SGCZ: variants seen among roughly 807,000 people sequenced by gnomAD.
SGCZ encodes zeta-sarcoglycan.
SGCZ carries 40 observed loss-of-function variants against 41.3 expected under a neutral mutation model. The ratio of observed to expected loss-of-function variants is 0.97; its 90% CI spans 0.75 to 1.26. The LOEUF is 1.26. Among genes scored for constraint, SGCZ ranks in the 50% most tolerant of loss-of-function variants. The pLI, the probability that SGCZ is intolerant of heterozygous loss-of-function variation, is 0.00. For synonymous variants in SGCZ, 206 were observed against 137.5 expected (o/e 1.50, Z -3.49); for missense variants, 552 against 369.8 (o/e 1.49, Z -4.04).
At chr8:14,446,181 C>T (rs1800427973) in intron 2 of SGCZ, among the ~76,000 whole-genome samples, 1 of 152,152 alleles carries the variant, frequency 6.6e-6, no homozygotes, top group African/African-American at 2.4e-5. Context: ...GAATCTTCAG[C>T]AAGCCCAGCT....
At chr8:14,293,520 G>A (rs1051817953) in intron 3 of SGCZ, among the ~76,000 whole-genome samples, 3 of 151,832 alleles carry the variant, frequency 2.0e-5, no homozygotes, top group Non-Finnish European at 2.9e-5. Flanking sequence ...TTTTAACTCC[G>A]AATGAAATTT....
At chr8:14,398,896 TG>T (rs756916630) in intron 2 of SGCZ, among the ~76,000 whole-genome samples, 19 of 152,148 alleles carry the variant, frequency 1.2e-4, no homozygotes, top group Non-Finnish European at 2.6e-4. Context: ...AGTGTTTCTT[TG>T]GGCCTGATAA....
chr8:14,496,133 A>T (rs1219266731), intron 2 of SGCZ, among the ~76,000 whole-genome samples: 1 of 98,312 alleles, frequency 1.0e-5, no homozygotes, highest in Non-Finnish European at 2.3e-5. Context: ...TGGCGTGATC[A>T]TGGCTCACTG....
chr8:14,881,092 A>G (rs1274934230), intron 1 of SGCZ, among the ~76,000 whole-genome samples: 1 of 152,110 alleles, frequency 6.6e-6, no homozygotes, highest in Non-Finnish European at 1.5e-5. Context: ...CATTTCCCTC[A>G]TTATATCTAA....
At chr8:14,828,921 T>C (rs899471277) in intron 1 of SGCZ, among the ~76,000 whole-genome samples, 24 of 152,004 alleles carry the variant, frequency 1.6e-4, no homozygotes, top group African/African-American at 1.2e-4. Context: ...TAGACATCCA[T>C]CTTAACAGTC....
intron 2 of SGCZ, among the ~76,000 whole-genome samples, chr8:14,530,933 A>G (rs1225586679): frequency 6.6e-6 from 1 of 152,092 alleles, no homozygotes; most frequent in African/African-American, 2.4e-5. Context: ...TACTACAGGT[A>G]CACAAATGAT....
intron 2 of SGCZ, among the ~76,000 whole-genome samples, chr8:14,467,036 C>T (rs555148622): frequency 3.0e-3 from 448 of 151,692 alleles, no homozygotes; most frequent in Non-Finnish European, 4.5e-3. Flanking sequence ...CTCACTTCCT[C>T]GGGTTTTACT....
At chr8:14,112,716 G>A (rs77828334) in intron 5 of SGCZ, among the ~76,000 whole-genome samples, 3,238 of 151,802 alleles carry the variant, frequency 0.021, 146 homozygotes, top group African/African-American at 0.075. Context: ...GTTTTTATTT[G>A]TAAAATTAAA....
chr8:14,458,336 T>A (rs1452391163), intron 2 of SGCZ, among the ~76,000 whole-genome samples: 1 of 152,172 alleles, frequency 6.6e-6, no homozygotes, highest in Non-Finnish European at 1.5e-5. Flanking sequence ...TTACTGGATA[T>A]CATAATGCCA....
At chr8:14,629,616 G>A (rs10092760) in intron 1 of SGCZ, among the ~76,000 whole-genome samples, 102,975 of 151,782 alleles carry the variant, frequency 0.68, 35,105 homozygotes, top group East Asian at 0.78. Context: ...CTCTATGTAT[G>A]CATGCAAATG....
At chr8:14,946,201 T>A (rs1280165355) in intron 1 of SGCZ, among the ~76,000 whole-genome samples, 7 of 150,592 alleles carry the variant, frequency 4.6e-5, no homozygotes, top group Non-Finnish European at 1.5e-5. Context: ...ATGGTGAGTA[T>A]ATGCAGAACC....
intron 1 of SGCZ, among the ~76,000 whole-genome samples, chr8:14,557,979 G>A (rs1804084408): frequency 6.6e-6 from 1 of 152,054 alleles, no homozygotes; most frequent in South Asian, 2.1e-4. Context: ...AAATGAAATG[G>A]GAGACAATAC....
At chr8:14,298,439 T>A (rs1801088278) in intron 3 of SGCZ, among the ~76,000 whole-genome samples, 2 of 151,708 alleles carry the variant, frequency 1.3e-5, no homozygotes, top group African/African-American at 2.4e-5. Context: ...ACAGAAAAAA[T>A]TTTACATAAT....
chr8:15,025,215 C>T (rs1307876204), intron 1 of SGCZ, among the ~76,000 whole-genome samples: 2 of 152,124 alleles, frequency 1.3e-5, no homozygotes, highest in African/African-American at 4.8e-5. Flanking sequence ...ATGATGTGAG[C>T]TTCCCGCACA....
intron 5 of SGCZ, among the ~76,000 whole-genome samples, chr8:14,112,148 A>C (rs28520568): frequency 0.016 from 2,392 of 152,222 alleles, 67 homozygotes; most frequent in African/African-American, 0.054. Context: ...CCTCACATTG[A>C]GAAAAAGAAA....
chr8:14,179,919 T>A (rs955132487), intron 4 of SGCZ, among the ~76,000 whole-genome samples: 3 of 152,076 alleles, frequency 2.0e-5, no homozygotes, highest in African/African-American at 7.2e-5. Flanking sequence ...GAGCAAGAGG[T>A]ATTTGATGAA....
chr8:14,176,395 T>A (rs1377645201), intron 4 of SGCZ, among the ~76,000 whole-genome samples: 2 of 152,176 alleles, frequency 1.3e-5, no homozygotes, highest in South Asian at 4.1e-4. Context: ...TTAAAAACTT[T>A]AAAATAAGCC....
At chr8:15,186,835 G>C (rs542098348) in intron 1 of SGCZ, among the ~76,000 whole-genome samples, 2 of 152,218 alleles carry the variant, frequency 1.3e-5, no homozygotes, top group East Asian at 1.9e-4. Context: ...AACTGTGAAC[G>C]CTTGTTTTTC....
At chr8:14,724,806 A>G (rs1042257366) in intron 1 of SGCZ, among the ~76,000 whole-genome samples, 2 of 152,178 alleles carry the variant, frequency 1.3e-5, no homozygotes, top group African/African-American at 4.8e-5. Context: ...GGTAAGTGGA[A>G]TGTCTACCAC....
Sources: gnomAD v4.1 joint callset for allele counts (sites outside exome capture counted in the v4.1 genomes callset) on GRCh38, gnomAD v4.1.1 for gene constraint, MANE v1.5 for transcripts, NCBI Gene and HGNC (gene_info 2026-07-23, HGNC 2026-07-21) for gene names.